SYN2: variants seen among roughly 807,000 people sequenced by gnomAD.
SYN2 encodes synapsin-2.
In SYN2, 19 loss-of-function variants were observed where a neutral mutation model predicts 50.9. The observed-to-expected ratio is 0.37, with a 90% CI of 0.26 to 0.55. The LOEUF is 0.55. SYN2 is among the 20% of genes least tolerant of loss of function. The pLI, the probability that SYN2 is intolerant of heterozygous loss-of-function variation, is 0.81. For synonymous variants in SYN2, 255 were observed against 224.9 expected, an observed-to-expected ratio of 1.13 and a Z score of -1.20; for missense variants, 587 against 576.4, an observed-to-expected ratio of 1.02 and a Z score of -0.19.
At chr3:12,163,489 C>G (rs1198804302) in intron 7 of SYN2, among the ~76,000 whole-genome samples, 1 of 151,828 alleles carries the variant, frequency 6.6e-6, no homozygotes, top group Non-Finnish European at 1.5e-5. Context: ...TACCACCCTT[C>G]ACACACCTCT....
At chr3:12,179,036 G>A (rs1698158939) in intron 10 of SYN2, among the ~76,000 whole-genome samples, 1 of 152,192 alleles carries the variant, frequency 6.6e-6, no homozygotes, top group African/African-American at 2.4e-5. Context: ...ATATCTCTAC[G>A]TAAGGAAAAT....
intron 1 of SYN2, among the ~76,000 whole-genome samples, chr3:12,130,151 C>T (rs970110292): frequency 3.3e-5 from 5 of 150,634 alleles, no homozygotes; most frequent in Admixed American, 2.6e-4. Context: ...TGTGTGTGTA[C>T]ATATATATAT....
chr3:12,185,267 C>T lies in SYN2; in HGVS notation c.1369+1895C>T, dbSNP rs548834954. On this transcript the variant is annotated intron_variant, in intron 11 of 12. Transcript: ENST00000621198. ...AGAATGGAGGAATACATTATTTTATCGTATATTTTTGTCCAAGCGATGAGC... is the reference window on the plus strand; with the variant it reads ...AGAATGGAGGAATACATTATTTTATTGTATATTTTTGTCCAAGCGATGAGC... 43 of 985,678 alleles carry T rather than the reference C, an allele frequency of 4.4e-5. No individual in the cohort carries two copies. The African/African-American group carries it at 6.5e-4, about 15-fold the overall frequency. The allele number at this position is 985,678 out of a possible 1,614,324, so 61.1% of individuals were successfully genotyped here.
At chr3:12,169,161 C>T (rs564550154) in intron 9 of SYN2, among the ~76,000 whole-genome samples, 3 of 152,280 alleles carry the variant, frequency 2.0e-5, no homozygotes, top group African/African-American at 7.2e-5. Flanking sequence ...TCTGTTTTCT[C>T]ATCCATAATT....
chr3:12,162,053 C>A lies in SYN2; in HGVS notation c.879C>A (p.Ser293Arg), dbSNP rs748111837. ...ENHYDFQDIA[S>R]VVALTQTYAT... ...ACTACGACTTCCAGGACATTGCCAG[C>A]GTGGTGGCTCTCACCCAGACCTATG... Residue 293 changes from serine (S) to arginine (R), a missense_variant, in exon 7 of 13, where the codon AGC becomes AGA. Coordinates refer to ENST00000621198, the MANE Select transcript of SYN2 (RefSeq NM_133625.6). The A allele has an allele frequency of 6.2e-7, 1 of 1,614,032 alleles. No homozygotes were observed. The highest frequency in any genetic ancestry group is 2.2e-5 in the East Asian group (1 of 44,882).
chr3:12,167,248 C>T lies in SYN2; in HGVS notation c.995C>T (p.Ser332Leu). Residue 332 changes from serine (S) to leucine (L), a missense_variant, in exon 8 of 13, where the codon TCA (serine) becomes TTA (leucine). Physicochemically the swap from Ser to Leu is moderately radical, Grantham distance 145 (BLOSUM62 -2). Transcript: ENST00000621198. ...NYKAYMRTSI[S>L]GNWKTNTGSA... is the part of the protein sequence containing the mutation. Reference sequence around the variant, plus strand: ...TCTTGTTGCAGGAGGACATCGATCTCAGGGAACTGGAAGACGAACACTGGC... The same window carrying T: ...TCTTGTTGCAGGAGGACATCGATCTTAGGGAACTGGAAGACGAACACTGGC... The T allele has an allele frequency of 6.2e-7, 1 of 1,612,956 alleles. No individual in the cohort carries two copies. The highest frequency in any genetic ancestry group is 1.1e-5 in the South Asian group (1 of 90,524).
At chr3:12,183,874 A>C in intron 11 of SYN2, 1 of 1,015,404 alleles carries the variant, frequency 9.8e-7, no homozygotes, top group Non-Finnish European at 1.2e-6. Context: ...TAAATCCCCC[A>C]CCTCCAACTT....
chr3:12,040,964 A>C (rs1284315773), intron 1 of SYN2, among the ~76,000 whole-genome samples: 1 of 152,206 alleles, frequency 6.6e-6, no homozygotes, highest in Non-Finnish European at 1.5e-5. Flanking sequence ...TGGGAAGAGG[A>C]GAAAAGATGA....
chr3:12,151,484 T>G (rs1164443245), intron 5 of SYN2, among the ~76,000 whole-genome samples, 158 bp downstream of exon 5: 2 of 152,224 alleles, frequency 1.3e-5, no homozygotes, highest in Non-Finnish European at 2.9e-5. Flanking sequence ...TAACTAGATT[T>G]TAGCTGACAG....
chr3:12,172,089 C>T (rs2125245517), intron 10 of SYN2, among the ~76,000 whole-genome samples: 1 of 152,330 alleles, frequency 6.6e-6, no homozygotes, highest in East Asian at 1.9e-4. Context: ...ACCTTACATT[C>T]ATATCCAAAG....
intron 4 of SYN2, among the ~76,000 whole-genome samples, chr3:12,148,272 A>G (rs1222912887): frequency 2.0e-5 from 3 of 152,186 alleles, no homozygotes; most frequent in Non-Finnish European, 4.4e-5. Flanking sequence ...ATCTGAGCAC[A>G]TTGCCTTGGG....
At chr3:12,073,883 T>G (rs932556754) in intron 1 of SYN2, among the ~76,000 whole-genome samples, 3 of 152,184 alleles carry the variant, frequency 2.0e-5, no homozygotes, top group African/African-American at 7.2e-5. Flanking sequence ...ATATAAAATA[T>G]TCACATACTT....
chr3:12,007,849 G>A (rs1415440843), intron 1 of SYN2, among the ~76,000 whole-genome samples: 1 of 152,072 alleles, frequency 6.6e-6, no homozygotes, highest in Non-Finnish European at 1.5e-5. Flanking sequence ...CAGGTTGATG[G>A]GAAAATTGGA....
In SYN2 at chr3:12,004,681, GCCGCCTCGGCCTCGGCGGCGCCCCCGA is replaced by G. The variant is rs1189113015; in HGVS notation, c.139_165del (p.Ala47_Ser55del). The G allele has an allele frequency of 3.4e-5, 8 of 232,256 alleles. No homozygotes were observed. The highest frequency in any genetic ancestry group is 1.6e-4 in the African/African-American group (7 of 42,500). The allele number at this position is 232,256 out of a possible 1,614,324, so 14.4% of individuals were successfully genotyped here. A position where few individuals can be genotyped will look rare whatever the true frequency, so the allele number is the denominator to read the frequency against. ...GCCGCCGCCGCCCCCCGGTCCGGGC[GCCGCCTCGGCCTCGGCGGCGCCCCCGA>G]CCGCCTCGCCGGGCCCGGAGCGGAG... On this transcript the variant is annotated inframe_deletion, in exon 1 of 13. Transcript: ENST00000621198.
chr3:12,024,134 GTCCA>G (rs1396102133), intron 1 of SYN2, among the ~76,000 whole-genome samples: 1 of 145,522 alleles, frequency 6.9e-6, no homozygotes, highest in Non-Finnish European at 1.5e-5. Context: ...TAAGCCTTCT[GTCCA>G]TCATTACTTC....
chr3:12,023,182 AT>A (rs752085775), intron 1 of SYN2, among the ~76,000 whole-genome samples: 5 of 152,002 alleles, frequency 3.3e-5, no homozygotes, highest in Admixed American at 6.6e-5. Flanking sequence ...TGCTCTGTAA[AT>A]TCAAAAGTGC....
chr3:12,185,722 A>G, intron 11 of SYN2: 4 of 985,886 alleles, frequency 4.1e-6, no homozygotes, highest in African/African-American at 1.7e-5. Flanking sequence ...GAAAAGTTAT[A>G]TCTGTCTTCA....
At chr3:12,075,211 A>G (rs1206576216) in intron 1 of SYN2, among the ~76,000 whole-genome samples, 1 of 152,148 alleles carries the variant, frequency 6.6e-6, no homozygotes, top group Admixed American at 6.6e-5. Flanking sequence ...ATCAGCTTAT[A>G]TGAAAACCCA....
At position 12,108,076 on chromosome 3, in the gene SYN2, G is replaced by A. The variant is rs139235503; in HGVS notation, c.378-32575G>A. On this transcript the variant is annotated intron_variant, in intron 1 of 12. Coordinates refer to ENST00000621198, the MANE Select transcript of SYN2 (RefSeq NM_133625.6). ...AAATAAAACATTAGCTGGGCATGGT[G>A]GCATGTGCCTGTGGTCCCAGTTACT... 3.5e-3 allele frequency among the ~76,000 whole-genome samples: 538 copies of A among 152,274 alleles called. 2 individuals are homozygous for A. Among genetic ancestry groups the A allele is most frequent in the African/African-American group, 0.012 (510 of 41,548 alleles).
Sources: allele counts gnomAD v4.1 joint callset (sites outside exome capture counted in the v4.1 genomes callset), GRCh38; gene constraint gnomAD v4.1.1; transcripts MANE v1.5; gene names NCBI Gene and HGNC (gene_info 2026-07-23, HGNC 2026-07-21).